Variants in NADK observed in about 807,000 individuals in gnomAD.
NADK encodes the protein NAD kinase.
In NADK, 22 loss-of-function variants were observed where a neutral mutation model predicts 49.8. The ratio of observed to expected loss-of-function variants is 0.44; its 90% CI spans 0.32 to 0.63. The LOEUF (loss-of-function observed/expected upper bound fraction) is 0.63, where lower values mean the gene tolerates loss of function less well. Among genes scored for constraint, NADK ranks in the 30% least tolerant of loss-of-function variants. The pLI, the probability that NADK is intolerant of heterozygous loss-of-function variation, is 0.06. For synonymous variants in NADK, 268 were observed against 253.7 expected (o/e 1.06, Z -0.54); for missense variants, 438 against 609.4 (o/e 0.72, Z 2.96).
At chr1:1,753,750 T>C in intron 10 of NADK, 101 bp from the exon 11 acceptor site, 1 of 1,107,016 alleles carries the variant, frequency 9.0e-7, no homozygotes, top group Non-Finnish European at 1.3e-6. Context: ...GTTGGGCAGC[T>C]CTGACCCTGC....
At chr1:1,776,938 T>TG (rs2100396877) in intron 1 of NADK, among the ~76,000 whole-genome samples, 1 of 147,812 alleles carries the variant, frequency 6.8e-6, no homozygotes, top group East Asian at 2.0e-4. Context: ...ATCAGCTAGG[T>TG]GTGGTGGTGC....
rs1645885924 is a variant in NADK, at chr1:1,766,399, A to G, written c.-40-953T>C. ...CCAGCCTGGGCAACAAGAACGAAAG[A>G]AACTCCGTCTCAAAAAAAAAAAAAA... On this transcript the variant is annotated intron_variant, in intron 1 of 11. Coordinates refer to ENST00000341426, the MANE Select transcript of NADK (RefSeq NM_023018.5). Among the ~76,000 whole-genome samples, 10 of 142,612 alleles carry G rather than the reference A, an allele frequency of 7.0e-5. No homozygotes were observed. The South Asian group carries it at 2.3e-3, about 32-fold the overall frequency. 93.6% of individuals were successfully genotyped at this position (142,612 alleles called of 152,430 possible).
At chr1:1,760,566 T>C (rs1208253835) in intron 3 of NADK, among the ~76,000 whole-genome samples, 5 of 152,196 alleles carry the variant, frequency 3.3e-5, no homozygotes, top group South Asian at 2.1e-4. Flanking sequence ...CACGGCCGCA[T>C]TGCGCTTTCT....
intron 2 of NADK, among the ~76,000 whole-genome samples, chr1:1,764,642 C>T (rs1178550377): frequency 1.3e-5 from 2 of 152,184 alleles, no homozygotes; most frequent in African/African-American, 2.4e-5. Context: ...TGGCTTGCAC[C>T]GGTAATCCCA....
intron 3 of NADK, 50 bp from the exon 4 acceptor site, chr1:1,757,360 G>T: frequency 6.8e-7 from 1 of 1,481,076 alleles, no homozygotes; most frequent in Non-Finnish European, 9.3e-7. Flanking sequence ...TCCCTCTTGC[G>T]GAAAAGGTGT....
chr1:1,758,643 A>G (rs1422896867), intron 3 of NADK: 2 of 1,426,706 alleles, frequency 1.4e-6, no homozygotes, highest in African/African-American at 2.9e-5. Flanking sequence ...AAAAGCAACT[A>G]AGTCAAAAGA....
chr1:1,764,770 G>A (rs1341116715), intron 2 of NADK, among the ~76,000 whole-genome samples: 1 of 152,206 alleles, frequency 6.6e-6, no homozygotes, highest in Non-Finnish European at 1.5e-5. Flanking sequence ...GCATGGTGGT[G>A]CACGCCTGTA....
In NADK at chr1:1,761,919, A is replaced by T. The variant is rs976437767; in HGVS notation, c.263+33T>A. 4.4e-6 allele frequency: 7 copies of T among 1,600,352 alleles called. No homozygotes were observed. In the African/African-American group the frequency reaches 8.0e-5, roughly 18 times the overall value. ...ATGGTCTAGGGGTTCTCTCCCTTCC[A>T]AGAACCCCCCGTCCTGGGGCCCCAG... On this transcript the variant is annotated intron_variant, in intron 3 of 11. Transcript: ENST00000341426.
At chr1:1,757,384 TAAA>T (rs112660978) in intron 3 of NADK, 74 bp from the exon 4 acceptor site, 1 of 979,012 alleles carries the variant, frequency 1.0e-6, no homozygotes, top group African/African-American at 1.7e-5. Flanking sequence ...ACTTAGAAAA[TAAA>T]AAAAAAAATC....
rs1220988910 is a variant in NADK, at chr1:1,754,133, A to C, written c.1019T>G (p.Val340Gly). The change falls in exon 10 of 12, where the codon GTG becomes GGG. Residue 340 changes from valine (V) to glycine (G), a missense_variant. Coordinates refer to ENST00000341426, the MANE Select transcript of NADK (RefSeq NM_023018.5). This position sits in a 1 kb window ranked among gnomAD's most constrained non-coding sequence, Gnocchi z 4.3. Reference sequence around the variant, plus strand: ...GATGGGCGTGATCATGATGGCCGGCACGTTGGGGTGGATCATGGAGGCCCC... The same window carrying C: ...GATGGGCGTGATCATGATGGCCGGCCCGTTGGGGTGGATCATGGAGGCCCC... ...AAGASMIHPN[V>G]PAIMITPICP... is the part of the protein sequence containing the mutation. 6.2e-7 allele frequency: 1 copy of C among 1,611,290 alleles called. No individual in the cohort carries two copies. Among genetic ancestry groups the C allele is most frequent in the Non-Finnish European group, 8.5e-7 (1 of 1,179,200 alleles).
intron 1 of NADK, among the ~76,000 whole-genome samples, chr1:1,766,863 T>TC (rs1431450008): frequency 6.6e-6 from 1 of 151,506 alleles, no homozygotes. Flanking sequence ...CAACTCAGCC[T>TC]CCCAACACAG....
intron 1 of NADK, among the ~76,000 whole-genome samples, chr1:1,775,459 CAGTG>C (rs1646185229): frequency 6.6e-6 from 1 of 152,208 alleles, no homozygotes; most frequent in Non-Finnish European, 1.5e-5. Flanking sequence ...AAATAATGCC[CAGTG>C]CTGGCATGCA....
At position 1,760,571 on chromosome 1, in the gene NADK, C is replaced by T. The variant is rs140152592; in HGVS notation, c.263+1381G>A. Among the ~76,000 whole-genome samples the T allele has an allele frequency of 2.0e-5, 3 of 152,366 alleles. No homozygotes were observed. In the East Asian group the frequency reaches 5.8e-4, roughly 29 times the overall value. ...CCCCGTATCACACGGCCGCATTGCG[C>T]TTTCTGGTCAACAGTCCCCAGCAGC... is the stretch of plus-strand genomic sequence containing the variant. On this transcript the variant is annotated intron_variant, in intron 3 of 11. Coordinates refer to ENST00000341426, the MANE Select transcript of NADK (RefSeq NM_023018.5).
At chr1:1,759,170 G>A in intron 3 of NADK, 1 of 1,565,416 alleles carries the variant, frequency 6.4e-7, no homozygotes, top group Non-Finnish European at 8.7e-7. Flanking sequence ...ACCAGCAGCG[G>A]CGTCGTACAC....
rs1454599880 is a variant in NADK at position 1,752,604 on chromosome 1, A to G, written c.*300T>C. On this transcript the variant is annotated 3_prime_UTR_variant, in exon 12 of 12. Coordinates refer to ENST00000341426, the MANE Select transcript of NADK (RefSeq NM_023018.5). Reference sequence around the variant, plus strand: ...TTTCAACCGACTGATTTGCGGAAAAATATCCTGGCATGGAAATTGCGGCAG... The same window carrying G: ...TTTCAACCGACTGATTTGCGGAAAAGTATCCTGGCATGGAAATTGCGGCAG... 16 of 315,090 alleles carry G rather than the reference A, an allele frequency of 5.1e-5. No homozygotes were observed. Among genetic ancestry groups the G allele is most frequent in the Non-Finnish European group, 8.8e-5 (15 of 171,160 alleles). 19.5% of individuals were successfully genotyped at this position (315,090 alleles called of 1,614,324 possible).
chr1:1,762,090 G>C, intron 2 of NADK, 55 bp from the exon 3 acceptor site: 1 of 1,445,474 alleles, frequency 6.9e-7, no homozygotes, highest in Non-Finnish European at 9.7e-7. Context: ...GACATGCAGT[G>C]ACAGACACAG....
At position 1,754,426 on chromosome 1, in the gene NADK, G is replaced by A. The variant is rs761739641; in HGVS notation, c.844-43C>T. 2.5e-5 allele frequency: 40 copies of A among 1,608,386 alleles called. No homozygotes were observed. The highest frequency in any genetic ancestry group is 3.2e-5 in the Non-Finnish European group (38 of 1,175,978). On this transcript the variant is annotated intron_variant, in intron 8 of 11. Transcript: ENST00000341426. This position sits in a 1 kb window ranked among gnomAD's most constrained non-coding sequence, Gnocchi z 4.3. ...TTGCACACTCAGGGCGGGGGATGCCGCACGGCTCGCAGACACCCTCCGTCT... is the reference window on the plus strand; with the variant it reads ...TTGCACACTCAGGGCGGGGGATGCCACACGGCTCGCAGACACCCTCCGTCT...
Position 1,753,629 on chromosome 1 carries a change from T to C in NADK, c.1122A>G (p.Ala374=). 1 of 1,611,376 alleles carries C rather than the reference T, an allele frequency of 6.2e-7. No homozygotes were observed. Among genetic ancestry groups the C allele is most frequent in the Non-Finnish European group, 8.5e-7 (1 of 1,178,584 alleles). The change falls in exon 11 of 12, where the codon GCA becomes GCG. Residue 374 remains alanine, a synonymous_variant. Coordinates refer to ENST00000341426, the MANE Select transcript of NADK (RefSeq NM_023018.5). The part of the protein sequence containing the change: ...VELKIMLSPE[A]RNTAWVSFDG... ...CAAAGGACACCCATGCTGTGTTCCT[T>C]GCTTCAGGTGACAGCATGATCTGAG...
chr1:1,758,692 T>G, intron 3 of NADK: 1 of 966,100 alleles, frequency 1.0e-6, no homozygotes, highest in Admixed American at 3.4e-5. Flanking sequence ...AACAAAACAG[T>G]TTCCTCATTG....
Sources: gnomAD v4.1 joint callset for allele counts (sites outside exome capture counted in the v4.1 genomes callset) on GRCh38, gnomAD v4.1.1 for gene constraint, Gnocchi (gnomAD v3.1) non-coding constraint, MANE v1.5 for transcripts, NCBI Gene and HGNC (gene_info 2026-07-23, HGNC 2026-07-21) for gene names.